Variants in FNDC3B observed in about 807,000 individuals in gnomAD.
FNDC3B encodes the protein fibronectin type III domain containing 3B, also known as fibronectin type III domain-containing protein 3B.
Under a neutral mutation model 151.5 loss-of-function variants are expected in FNDC3B, and 12 were observed. The observed-to-expected ratio is 0.08, with a 90% CI of 0.05 to 0.13. The LOEUF (loss-of-function observed/expected upper bound fraction) is 0.13. Among genes scored for constraint, FNDC3B ranks in the 10% least tolerant of loss-of-function variants. FNDC3B has a pLI of 1.00. For missense variants in FNDC3B, 1,214 were observed against 1,505.3 expected, an observed-to-expected ratio of 0.81 and a Z score of 3.20; for synonymous variants, 528 against 549.0, an observed-to-expected ratio of 0.96 and a Z score of 0.54.
chr3:172,383,110 G>A (rs1368125832), intron 25 of FNDC3B, among the ~76,000 whole-genome samples: 1 of 152,180 alleles, frequency 6.6e-6, no homozygotes, highest in African/African-American at 2.4e-5. Flanking sequence ...AGCATGGAAT[G>A]TTTTTCCATT....
At chr3:172,093,509 T>C (rs745675430) in intron 1 of FNDC3B, among the ~76,000 whole-genome samples, 33 of 152,102 alleles carry the variant, frequency 2.2e-4, no homozygotes, top group Non-Finnish European at 4.3e-4. Context: ...CCGCCCGCCT[T>C]GGCCTCCCAA....
chr3:172,238,231 G>A (rs1576826894), intron 4 of FNDC3B, among the ~76,000 whole-genome samples: 2 of 152,124 alleles, frequency 1.3e-5, no homozygotes, highest in South Asian at 4.1e-4. Context: ...CAGGTGGAGT[G>A]CAGTGGCATG....
At chr3:172,093,345 G>A (rs951101919) in intron 1 of FNDC3B, among the ~76,000 whole-genome samples, 2 of 150,292 alleles carry the variant, frequency 1.3e-5, no homozygotes, top group South Asian at 4.2e-4. Flanking sequence ...TGCAAGCTCC[G>A]CCTCCCGGGT....
intron 2 of FNDC3B, among the ~76,000 whole-genome samples, chr3:172,126,477 A>C (rs1040146642): frequency 1.1e-4 from 17 of 152,230 alleles, no homozygotes; most frequent in African/African-American, 3.9e-4. Context: ...GTTGCTTAAC[A>C]AAGCTCTAGT....
chr3:172,282,428 G>A (rs995360981), intron 6 of FNDC3B, among the ~76,000 whole-genome samples: 13 of 152,130 alleles, frequency 8.5e-5, no homozygotes, highest in Middle Eastern at 3.2e-3. Context: ...GACCAGACAC[G>A]ATAGGGCAGT....
In FNDC3B at chr3:172,397,431, T is replaced by G; in HGVS notation, c.3571T>G (p.Ser1191Ala). 1 of 1,613,022 alleles carries G rather than the reference T, an allele frequency of 6.2e-7. No homozygotes were observed. Among genetic ancestry groups the G allele is most frequent in the South Asian group, 1.1e-5 (1 of 90,968 alleles). Residue 1191 changes from serine to alanine, a missense_variant, in exon 26 of 26, where the codon TCC (serine) becomes GCC (alanine). Coordinates refer to ENST00000415807, the MANE Select transcript of FNDC3B (RefSeq NM_022763.4). ...AIIVLGFATL[S>A]ILFAFILQYF... ...CATTGTGCTTGGCTTTGCAACTTTG[T>G]CCATTTTATTTGCCTTTATATTACA...
At chr3:172,101,764 CA>C (rs1402551172) in intron 1 of FNDC3B, among the ~76,000 whole-genome samples, 1 of 152,200 alleles carries the variant, frequency 6.6e-6, no homozygotes, top group Non-Finnish European at 1.5e-5. Flanking sequence ...CCATGGAAGA[CA>C]TAACTTTAGC....
chr3:172,128,850 G>A (rs575829449), intron 2 of FNDC3B, among the ~76,000 whole-genome samples: 1 of 152,190 alleles, frequency 6.6e-6, no homozygotes, highest in African/African-American at 2.4e-5. Context: ...AACTCTAGAA[G>A]TGAAATGGGA....
intron 11 of FNDC3B, chr3:172,317,181 CT>C (rs1414864244): frequency 1.4e-5 from 6 of 436,888 alleles, no homozygotes; most frequent in Admixed American, 2.6e-5. Context: ...TTTTCTTTTT[CT>C]TTTTTTCTTT....
chr3:172,146,805 G>T (rs9821928), intron 3 of FNDC3B, among the ~76,000 whole-genome samples: 116 of 152,058 alleles, frequency 7.6e-4, no homozygotes, highest in African/African-American at 2.6e-3. Flanking sequence ...TTTTAGCTTT[G>T]GTTATAAGCT....
rs563505638 is a variant in FNDC3B at position 172,188,848 on chromosome 3, G to A, written c.188-38023G>A. On this transcript the variant is annotated intron_variant, in intron 3 of 25. Transcript: ENST00000415807. ...AGTGTGAAACTCTCAATCAGACCCC[G>A]CTTCCTGCACTGCTCCCCAGGTATC... 5.9e-5 allele frequency among the ~76,000 whole-genome samples: 9 copies of A among 152,114 alleles called. No individual in the cohort carries two copies. In the East Asian group the frequency reaches 1.5e-3, roughly 26 times the overall value.
At chr3:172,239,591 C>T (rs865784842) in intron 4 of FNDC3B, among the ~76,000 whole-genome samples, 1 of 152,104 alleles carries the variant, frequency 6.6e-6, no homozygotes, top group South Asian at 2.1e-4. Flanking sequence ...TCATCCTGGG[C>T]CATCTGGGGA....
At chr3:172,201,280 G>A (rs891761827) in intron 3 of FNDC3B, among the ~76,000 whole-genome samples, 5 of 152,188 alleles carry the variant, frequency 3.3e-5, no homozygotes, top group African/African-American at 9.7e-5. Flanking sequence ...GAAGCGCAGG[G>A]TGGAGTTTTT....
chr3:172,206,618 C>T (rs1725443587), intron 3 of FNDC3B, among the ~76,000 whole-genome samples: 1 of 129,288 alleles, frequency 7.7e-6, no homozygotes, highest in East Asian at 2.4e-4. Context: ...GAGACTGCAC[C>T]ATTGCATTCC....
At chr3:172,205,269 T>TGG (rs1056028389) in intron 3 of FNDC3B, among the ~76,000 whole-genome samples, 1 of 152,186 alleles carries the variant, frequency 6.6e-6, no homozygotes, top group African/African-American at 2.4e-5. Context: ...TTAAACTTAC[T>TGG]GGAAATATAA....
At chr3:172,272,078 T>A (rs1729227906) in intron 6 of FNDC3B, among the ~76,000 whole-genome samples, 1 of 152,182 alleles carries the variant, frequency 6.6e-6, no homozygotes, top group South Asian at 2.1e-4. Context: ...TTCTTAATAT[T>A]CCAGCAGTCT....
chr3:172,281,558 G>C (rs1318772488), intron 6 of FNDC3B, among the ~76,000 whole-genome samples: 1 of 152,210 alleles, frequency 6.6e-6, no homozygotes, highest in Non-Finnish European at 1.5e-5. Flanking sequence ...GTAAGGAATA[G>C]GAAATATAGG....
At chr3:172,091,687 T>TGA (rs1281626754) in intron 1 of FNDC3B, among the ~76,000 whole-genome samples, 20 of 152,352 alleles carry the variant, frequency 1.3e-4, no homozygotes, top group Admixed American at 9.1e-4. Context: ...TACGTATTCA[T>TGA]ATCTGTTAAA....
chr3:172,183,687 C>A lies in FNDC3B; in HGVS notation c.188-43184C>A, dbSNP rs957990035. ...TGTCTATTCTTCTTAACTAAGATAA[C>A]CTGTTGAAGTATTATTAAATTCAAC... On this transcript the variant is annotated intron_variant, in intron 3 of 25. Transcript: ENST00000415807. 4.6e-5 allele frequency among the ~76,000 whole-genome samples: 7 copies of A among 152,266 alleles called. 2 individuals carry two copies. The Middle Eastern group carries it at 0.017, about 370-fold the overall frequency.
Sources: allele counts gnomAD v4.1 joint callset (sites outside exome capture counted in the v4.1 genomes callset), GRCh38; gene constraint gnomAD v4.1.1; transcripts MANE v1.5; gene names NCBI Gene and HGNC (gene_info 2026-07-23, HGNC 2026-07-21).